The following DCC variants were observed in gnomAD, a reference collection of about 807,000 sequenced individuals.
DCC encodes the protein netrin receptor DCC.
A neutral mutation model predicts 172.5 loss-of-function variants in DCC; 58 were observed. The observed-to-expected ratio is 0.34, with a 90% CI of 0.27 to 0.42. The LOEUF (loss-of-function observed/expected upper bound fraction) is 0.42, where lower values mean the gene tolerates loss of function less well. Among genes scored for constraint, DCC ranks in the 10% least tolerant of loss-of-function variants. The pLI, the probability that DCC is intolerant of heterozygous loss-of-function variation, is 1.00. For missense variants in DCC, 1,740 were observed against 1,791.0 expected (o/e 0.97, Z 0.51); for synonymous variants, 709 against 644.5 (o/e 1.10, Z -1.52).
At chr18:53,382,104 A>ACACACACCC (rs770734401) in intron 15 of DCC, among the ~76,000 whole-genome samples, 1 of 52,830 alleles carries the variant, frequency 1.9e-5, no homozygotes, top group African/African-American at 4.1e-5. Context: ...ACACACACAC[A>ACACACACCC]CCCCTACCTC....
chr18:52,752,268 A>G lies in DCC; in HGVS notation c.306A>G (p.Ile102Met), dbSNP rs777045765. 10 of 1,614,060 alleles carry G rather than the reference A, an allele frequency of 6.2e-6. No homozygotes were observed. In the Admixed American group the frequency reaches 1.5e-4, roughly 24 times the overall value. Residue 102 changes from isoleucine (I) to methionine (M), a missense_variant, in exon 2 of 29, where the codon ATA (isoleucine) becomes ATG (methionine). Physicochemically the swap from Ile to Met is conservative, Grantham distance 10. Around this residue, in one of 2 missense-constraint regions of DCC, gnomAD observed 1,732 missense variants for 1,767.4 expected, o/e 0.98. Coordinates refer to ENST00000442544, the MANE Select transcript of DCC (RefSeq NM_005215.4). ...ATGGGTCTCTGCTGATACAAAACAT[A>G]CTTCATTCCAGACACCACAAGCCAG... ...LSNGSLLIQN[I>M]LHSRHHKPDE... is the part of the protein sequence containing the mutation.
chr18:52,919,635 C>CTT (rs11309864), intron 3 of DCC, among the ~76,000 whole-genome samples: 25 of 148,554 alleles, frequency 1.7e-4, no homozygotes, highest in East Asian at 1.0e-3. Context: ...GTCGATGGTT[C>CTT]TTTTTTTTTT....
intron 1 of DCC, among the ~76,000 whole-genome samples, chr18:52,526,449 A>C (rs2031982683): frequency 6.6e-6 from 1 of 152,060 alleles, no homozygotes; most frequent in African/African-American, 2.4e-5. Context: ...GTAGTTGGTA[A>C]ACAACAATTC....
chr18:53,210,966 C>G (rs960759312), intron 11 of DCC, among the ~76,000 whole-genome samples: 4 of 151,644 alleles, frequency 2.6e-5, no homozygotes, highest in South Asian at 2.1e-4. Context: ...TTTTTTCACA[C>G]CACTGAGATT....
At chr18:52,404,592 A>G (rs1472118686) in intron 1 of DCC, among the ~76,000 whole-genome samples, 1 of 152,004 alleles carries the variant, frequency 6.6e-6, no homozygotes, top group East Asian at 1.9e-4. Context: ...TTATCCCTAT[A>G]TTGGTAAAAA....
chr18:53,372,883 G>A (rs1417557930), intron 15 of DCC, among the ~76,000 whole-genome samples: 1 of 152,056 alleles, frequency 6.6e-6, no homozygotes, highest in Non-Finnish European at 1.5e-5. Flanking sequence ...CAGAGACCAT[G>A]TGATTTCATT....
At chr18:52,387,542 G>T (rs1040395987) in intron 1 of DCC, among the ~76,000 whole-genome samples, 1 of 151,672 alleles carries the variant, frequency 6.6e-6, no homozygotes, top group Non-Finnish European at 1.5e-5. Flanking sequence ...TCCAATGCAA[G>T]GGAGGGCAAA....
At chr18:53,141,773 G>A (rs1207416370) in intron 7 of DCC, among the ~76,000 whole-genome samples, 1 of 152,094 alleles carries the variant, frequency 6.6e-6, no homozygotes, top group African/African-American at 2.4e-5. Context: ...CTCCATGGTT[G>A]TGTGTTTACA....
chr18:52,767,137 T>C (rs1267072997), intron 2 of DCC, among the ~76,000 whole-genome samples: 1 of 147,726 alleles, frequency 6.8e-6, no homozygotes, highest in Non-Finnish European at 1.5e-5. Flanking sequence ...ATTATATTTA[T>C]CTTTTTAAAG....
At chr18:53,114,980 G>A (rs184757505) in intron 7 of DCC, among the ~76,000 whole-genome samples, 38 of 151,738 alleles carry the variant, frequency 2.5e-4, no homozygotes, top group Admixed American at 2.2e-3. Flanking sequence ...TGCATTCTCT[G>A]CGTTGAAAGC....
At chr18:52,548,132 T>C (rs2032665981) in intron 1 of DCC, among the ~76,000 whole-genome samples, 1 of 152,160 alleles carries the variant, frequency 6.6e-6, no homozygotes, top group African/African-American at 2.4e-5. Context: ...TTTGTTAACA[T>C]AGCCTTTTCT....
At chr18:53,453,127 C>G (rs565973993) in intron 23 of DCC, among the ~76,000 whole-genome samples, 1 of 151,982 alleles carries the variant, frequency 6.6e-6, no homozygotes, top group Admixed American at 6.6e-5. Context: ...GTGTTAGCCA[C>G]GATGGTCTTG....
At chr18:52,801,121 G>A (rs917759300) in intron 2 of DCC, among the ~76,000 whole-genome samples, 5 of 152,180 alleles carry the variant, frequency 3.3e-5, no homozygotes, top group African/African-American at 9.7e-5. Flanking sequence ...AACTTTCAAT[G>A]TGGCTTCTGC....
At chr18:52,831,417 G>A (rs573798615) in intron 2 of DCC, among the ~76,000 whole-genome samples, 1 of 152,280 alleles carries the variant, frequency 6.6e-6, no homozygotes, top group African/African-American at 2.4e-5. Flanking sequence ...GAATATGGGA[G>A]GGCAGGCGTG....
At chr18:53,269,503 C>A (rs1444595408) in intron 12 of DCC, among the ~76,000 whole-genome samples, 15 of 152,142 alleles carry the variant, frequency 9.9e-5, no homozygotes, top group Admixed American at 9.2e-4. Flanking sequence ...GAAAATTATT[C>A]TCCTGCATGC....
rs575402940 is a variant in DCC, at chr18:52,787,149, C to A, written c.412+34775C>A. Among the ~76,000 whole-genome samples, 95 of 152,212 alleles carry A rather than the reference C, an allele frequency of 6.2e-4. No homozygotes were observed. In the Middle Eastern group the frequency reaches 0.02, roughly 33 times the overall value. ...AAACAAGGATCAGAAATACTTCAAGCAAAATATTCCAAAAAGGTTGCTTTA... is the reference window on the plus strand; with the variant it reads ...AAACAAGGATCAGAAATACTTCAAGAAAAATATTCCAAAAAGGTTGCTTTA... On this transcript the variant is annotated intron_variant, in intron 2 of 28. Transcript: ENST00000442544.
chr18:53,024,996 C>T (rs1219088189), intron 5 of DCC, among the ~76,000 whole-genome samples: 6 of 151,982 alleles, frequency 3.9e-5, no homozygotes, highest in Non-Finnish European at 8.8e-5. Context: ...ATAAGTAATA[C>T]AGGAACACAT....
At chr18:52,521,423 G>T (rs2031811385) in intron 1 of DCC, among the ~76,000 whole-genome samples, 1 of 152,108 alleles carries the variant, frequency 6.6e-6, no homozygotes, top group South Asian at 2.1e-4. Flanking sequence ...AGTTCCGGAG[G>T]CTGGGAAGTC....
chr18:52,735,432 T>C (rs1376626520), intron 1 of DCC, among the ~76,000 whole-genome samples: 1 of 152,082 alleles, frequency 6.6e-6, no homozygotes, highest in Non-Finnish European at 1.5e-5. Flanking sequence ...GATGAATATA[T>C]GAAGGGGAAT....
Sources: gnomAD v4.1 joint callset for allele counts (sites outside exome capture counted in the v4.1 genomes callset) on GRCh38, gnomAD v4.1.1 for gene constraint, gnomAD v4.1.1 regional missense constraint, MANE v1.5 for transcripts, NCBI Gene and HGNC (gene_info 2026-07-23, HGNC 2026-07-21) for gene names.